The following C5 variants were observed in gnomAD, a reference collection of about 807,000 sequenced individuals.
The protein encoded by C5 is complement C5, also known as C3 and PZP-like alpha-2-macroglobulin domain-containing protein 4.
In C5, 140 loss-of-function variants were observed where a neutral mutation model predicts 218.8. That is an observed-to-expected ratio of 0.64 (90% CI 0.56 to 0.74). The LOEUF (loss-of-function observed/expected upper bound fraction) is 0.74. Ranked by LOEUF, C5 falls within the 30% of genes least tolerant of loss-of-function variation. The pLI, the probability that C5 is intolerant of heterozygous loss-of-function variation, is 0.00. For missense variants in C5, 1,700 were observed against 1,969.6 expected, an observed-to-expected ratio of 0.86 and a Z score of 2.59; for synonymous variants, 614 against 682.3, an observed-to-expected ratio of 0.90 and a Z score of 1.56.
At position 120,962,653 on chromosome 9, in the gene C5, T is replaced by A. The variant is rs1239966174; in HGVS notation, c.4504+18A>T. 1.3e-6 allele frequency: 2 copies of A among 1,506,974 alleles called. No homozygotes were observed. The highest frequency in any genetic ancestry group is 2.2e-5 in the South Asian group (2 of 88,976). The allele number at this position is 1,506,974 out of a possible 1,614,324, so 93.4% of individuals were successfully genotyped here. A position where few individuals can be genotyped will look rare whatever the true frequency, so the allele number is the denominator to read the frequency against. ...ACAAAGTATTCTTCTGAAGAAATGT[T>A]AGCATGGAGTTGATTACCTGGTCTG... On this transcript the variant is annotated intron_variant, in intron 36 of 40. Transcript: ENST00000223642.
chr9:121,012,342 C>A (rs1202274832), intron 17 of C5, among the ~76,000 whole-genome samples: 2 of 152,050 alleles, frequency 1.3e-5, no homozygotes, highest in Non-Finnish European at 2.9e-5. Context: ...TATTAAAATT[C>A]TGCTTATAAT....
rs769516383 is a variant in C5, at chr9:120,975,003, T to C, written c.3865-72A>G. The C allele has an allele frequency of 6.2e-4, 956 of 1,536,704 alleles. 1 individual carries two copies. Among genetic ancestry groups the C allele is most frequent in the Middle Eastern group, 8.4e-4 (5 of 5,940 alleles). On this transcript the variant is annotated intron_variant, in intron 29 of 40. Transcript: ENST00000223642. ...TACTCCCTATTTACAAATGCCCTTTTTATGAGAGGGTAGGGCAGCATTGTC... is the reference window on the plus strand; with the variant it reads ...TACTCCCTATTTACAAATGCCCTTTCTATGAGAGGGTAGGGCAGCATTGTC...
chr9:120,980,178 A>G lies in C5; in HGVS notation c.3563T>C (p.Leu1188Ser). 1 of 1,614,138 alleles carries G rather than the reference A, an allele frequency of 6.2e-7. No homozygotes were observed. The highest frequency in any genetic ancestry group is 8.5e-7 in the Non-Finnish European group (1 of 1,179,996). ...NTLPAQSTFT[L>S]AISAYALSLG... is the part of the protein sequence containing the mutation. ...GGAAAGAGCATACGCAGAAATGGCCAATGTAAAGGTGCTCTGGGCTGGCAG... is the reference window on the plus strand; with the variant it reads ...GGAAAGAGCATACGCAGAAATGGCCGATGTAAAGGTGCTCTGGGCTGGCAG... Residue 1188 changes from leucine to serine, a missense_variant, in exon 28 of 41, where the codon TTG (leucine) becomes TCG (serine). Physicochemically the swap from Leu to Ser is moderately radical, Grantham distance 145. Coordinates refer to ENST00000223642, the MANE Select transcript of C5 (RefSeq NM_001735.3).
At position 120,999,376 on chromosome 9, in the gene C5, G is replaced by T. The variant is rs963176233; in HGVS notation, c.2563-1602C>A. On this transcript the variant is annotated intron_variant, in intron 20 of 40. Coordinates refer to ENST00000223642, the MANE Select transcript of C5 (RefSeq NM_001735.3). The stretch of plus-strand genomic sequence containing the variant: ...CTTTACCCTGAGGGCAGGTCCCATT[G>T]GTGCCTTGGAGTGGCTAAAACCCCA... Among the ~76,000 whole-genome samples the T allele has an allele frequency of 3.3e-5, 5 of 152,128 alleles. No homozygotes were observed. The East Asian group carries it at 7.7e-4, about 23-fold the overall frequency.
chr9:121,072,532 C>T, the C5 span, among the ~76,000 whole-genome samples: 2 of 152,004 alleles, frequency 1.3e-5, no homozygotes, highest in African/African-American at 4.8e-5. Context: ...CTCGGCAGGG[C>T]GCGGTGGCTC....
chr9:121,025,241 A>G (rs1325868664), intron 9 of C5, among the ~76,000 whole-genome samples: 1 of 152,180 alleles, frequency 6.6e-6, no homozygotes, highest in East Asian at 1.9e-4. Context: ...TAGGGACCCA[A>G]TGGCTTGTCC....
At position 120,981,878 on chromosome 9, in the gene C5, C is replaced by G; in HGVS notation, c.3452G>C (p.Gly1151Ala). The G allele has an allele frequency of 6.2e-7, 1 of 1,613,924 alleles. No individual in the cohort carries two copies. The highest frequency in any genetic ancestry group is 8.5e-7 in the Non-Finnish European group (1 of 1,179,852). Residue 1151 changes from glycine to alanine, a missense_variant, in exon 27 of 41, where the codon GGA becomes GCA. Gly to Ala is a moderately conservative substitution (Grantham distance 60). Transcript: ENST00000223642. Reference protein sequence around the residue: ...SLYLTAFTVIGIRKAFDICPL... With the variant: ...SLYLTAFTVIAIRKAFDICPL... ...GCATATATCGAAAGCCTTTCTAATT[C>G]CAATCACAGTAAAGGCTGTAAGATA...
intron 34 of C5, among the ~76,000 whole-genome samples, chr9:120,963,297 G>A (rs2046841369): frequency 6.6e-6 from 1 of 152,146 alleles, no homozygotes; most frequent in African/African-American, 2.4e-5. Flanking sequence ...CTGATGTCAG[G>A]AGTTCGAGAC....
At chr9:121,007,887 CA>C (rs2047228718) in intron 18 of C5, among the ~76,000 whole-genome samples, 1 of 152,146 alleles carries the variant, frequency 6.6e-6, no homozygotes, top group African/African-American at 2.4e-5. Flanking sequence ...CGTGAGGAGA[CA>C]ACTGCAGGCC....
chr9:120,960,792 T>C (rs1022891185), intron 37 of C5, among the ~76,000 whole-genome samples: 2 of 152,262 alleles, frequency 1.3e-5, no homozygotes, highest in African/African-American at 4.8e-5. Flanking sequence ...ATAAGACTTA[T>C]TGTTAGACTG....
chr9:121,061,650 CTT>C, the C5 span, among the ~76,000 whole-genome samples: 1 of 152,240 alleles, frequency 6.6e-6, no homozygotes, highest in East Asian at 1.9e-4. Flanking sequence ...AAATTAATAA[CTT>C]TAATTATTGG....
Position 120,989,520 on chromosome 9 carries a change from T to C in C5, c.3154+48A>G, listed in dbSNP as rs775730561. 4.2e-6 allele frequency: 5 copies of C among 1,178,676 alleles called. No individual in the cohort carries two copies. In the East Asian group the frequency reaches 1.3e-4, roughly 30 times the overall value. The allele number at this position is 1,178,676 out of a possible 1,614,324, so 73.0% of individuals were successfully genotyped here. On this transcript the variant is annotated intron_variant, in intron 24 of 40. Transcript: ENST00000223642. ...CTTAAATATTAGTTTAATAAAAATA[T>C]TAGTTTAGAATCACCCAATTTTTAT...
chr9:120,998,023 G>C, intron 20 of C5, among the ~76,000 whole-genome samples: 1 of 152,128 alleles, frequency 6.6e-6, no homozygotes, highest in East Asian at 1.9e-4. Context: ...GGCTGATCTC[G>C]AACTCCTGAT....
Position 120,980,181 on chromosome 9 carries a change from G to A in C5, c.3560C>T (p.Thr1187Ile). ...ENTLPAQSTF[T>I]LAISAYALSL... ...AAGAGCATACGCAGAAATGGCCAAT[G>A]TAAAGGTGCTCTGGGCTGGCAGTGT... Residue 1187 changes from threonine (T) to isoleucine (I), a missense_variant, in exon 28 of 41, where the codon ACA becomes ATA. By Grantham distance (89) the Thr-to-Ile change is moderately conservative (BLOSUM62 -1). Transcript: ENST00000223642. 1 of 1,614,008 alleles carries A rather than the reference G, an allele frequency of 6.2e-7. No homozygotes were observed. The highest frequency in any genetic ancestry group is 8.5e-7 in the Non-Finnish European group (1 of 1,179,916).
chr9:121,030,590 A>G, intron 6 of C5, 103 bp from the exon 7 acceptor site: 1 of 651,112 alleles, frequency 1.5e-6, no homozygotes, highest in South Asian at 1.9e-5. Flanking sequence ...AAGCTGTAAC[A>G]TCAACACAAC....
chr9:121,029,027 A>C (rs995840102), intron 7 of C5, among the ~76,000 whole-genome samples: 4 of 152,128 alleles, frequency 2.6e-5, no homozygotes, highest in African/African-American at 9.7e-5. Context: ...GTTTTCTTTT[A>C]TGTTTTTAAA....
chr9:120,988,458 A>C (rs1157911006), intron 25 of C5, among the ~76,000 whole-genome samples: 1 of 152,190 alleles, frequency 6.6e-6, no homozygotes, highest in Non-Finnish European at 1.5e-5. Context: ...AGTCATGCTG[A>C]CACCTAAGGA....
At chr9:121,037,738 A>C (rs1238730201) in intron 4 of C5, 143 bp downstream of exon 4, 4 of 485,730 alleles carry the variant, frequency 8.2e-6, no homozygotes, top group African/African-American at 1.9e-5. Flanking sequence ...GTATAGATCT[A>C]TGATTCTATA....
At chr9:120,973,740 A>G (rs897919909) in intron 30 of C5, among the ~76,000 whole-genome samples, 5 of 152,162 alleles carry the variant, frequency 3.3e-5, no homozygotes, top group Non-Finnish European at 5.9e-5. Context: ...GCACTTTGGG[A>G]GGCCAAGGTG....
Sources: gnomAD v4.1 joint callset for allele counts (sites outside exome capture counted in the v4.1 genomes callset) on GRCh38, gnomAD v4.1.1 for gene constraint, MANE v1.5 for transcripts, NCBI Gene and HGNC (gene_info 2026-07-23, HGNC 2026-07-21) for gene names.